The following APOBEC1 variants were observed in gnomAD, a reference collection of about 807,000 sequenced individuals.
APOBEC1 encodes apolipoprotein B mRNA editing enzyme catalytic subunit 1.
A neutral mutation model predicts 26.3 loss-of-function variants in APOBEC1; 22 were observed. The observed-to-expected ratio is 0.84, with a 90% CI of 0.60 to 1.19. The LOEUF (loss-of-function observed/expected upper bound fraction) is 1.19. Ranked by LOEUF, APOBEC1 falls within the 50% of genes most tolerant of loss-of-function variation. The pLI, the probability that APOBEC1 is intolerant of heterozygous loss-of-function variation, is 0.00. For missense variants in APOBEC1, 253 were observed against 289.0 expected (o/e 0.88, Z 0.90); for synonymous variants, 77 against 95.3 (o/e 0.81, Z 1.12).
At position 7,651,032 on chromosome 12, in the gene APOBEC1, G is replaced by A; in HGVS notation, c.552C>T (p.Cys184=). 1 of 1,608,812 alleles carries A rather than the reference G, an allele frequency of 6.2e-7. No individual in the cohort carries two copies. The highest frequency in any genetic ancestry group is 1.3e-5 in the African/African-American group (1 of 74,932). The change falls in exon 4 of 5, where the codon TGC becomes TGT. Residue 184 remains cysteine, a synonymous_variant. Transcript: ENST00000229304. ...CCCTAAAGTGACTTACTAGAATTATGCAGTGCAGCTCCAGTGCGTACAACA... is the reference window on the plus strand; with the variant it reads ...CCCTAAAGTGACTTACTAGAATTATACAGTGCAGCTCCAGTGCGTACAACA... The part of the protein sequence containing the change: ...WMMLYALELH[C]IILSLPPCLK...
At chr12:7,668,335 T>A (rs1863917482), upstream of APOBEC1, among the ~76,000 whole-genome samples, 2 of 152,176 alleles carry the variant, frequency 1.3e-5, no homozygotes, top group South Asian at 4.1e-4. Context: ...TCCAGAACTA[T>A]AAAACAATGT....
chr12:7,652,832 T>G lies in APOBEC1; in HGVS notation c.48A>C (p.Arg16Ser), dbSNP rs1318252428. 1 of 1,572,986 alleles carries G rather than the reference T, an allele frequency of 6.4e-7. No homozygotes were observed. Among genetic ancestry groups the G allele is most frequent in the Non-Finnish European group, 8.6e-7 (1 of 1,161,574 alleles). ...GPSTGDPTLR[R>S]RIEPWEFDVF... ...CGTCAAACTCCCAGGGTTCGATTCT[T>G]CTCCTGAAATACAAAAAGCAGCCCA... Residue 16 changes from arginine to serine, a missense_variant, in exon 3 of 5, where the codon AGA (arginine) becomes AGC (serine). Coordinates refer to ENST00000229304, the MANE Select transcript of APOBEC1 (RefSeq NM_001644.5).
At chr12:7,668,567 A>G (rs1281756231), upstream of APOBEC1, among the ~76,000 whole-genome samples, 3 of 152,134 alleles carry the variant, frequency 2.0e-5, no homozygotes, top group Admixed American at 2.0e-4. Flanking sequence ...GTGGTTAATT[A>G]TTTGTAAGTG....
At position 7,660,382 on chromosome 12, in the gene APOBEC1, A is replaced by C. The variant is rs868551478; in HGVS notation, c.16+5475T>G. On this transcript the variant is annotated intron_variant, in intron 1 of 4. Transcript: ENST00000229304. ...AAGGAAGGAAGGAAGGAAGGAAAGA[A>C]AGAAAGAAAGAAAGAAAGAAAGAAA... Among the ~76,000 whole-genome samples, 59 of 102,952 alleles carry C rather than the reference A, an allele frequency of 5.7e-4. 1 individual carries two copies. Among genetic ancestry groups the C allele is most frequent in the African/African-American group, 2.2e-3 (56 of 25,552 alleles). 67.5% of individuals were successfully genotyped at this position (102,952 alleles called of 152,430 possible). A position where few individuals can be genotyped will look rare whatever the true frequency, so the allele number is the denominator to read the frequency against.
Position 7,660,410 on chromosome 12 carries a change from A to AAGAAAG in APOBEC1, c.16+5446_16+5447insCTTTCT, listed in dbSNP as rs111744018. On this transcript the variant is annotated intron_variant, in intron 1 of 4. Coordinates refer to ENST00000229304, the MANE Select transcript of APOBEC1 (RefSeq NM_001644.5). ...AAAGAAAGAAAGAAAGAAAGAAAGA[A>AAGAAAG]AGAGAGGGTATTTGGGCCAGGGACA... is the stretch of plus-strand genomic sequence containing the variant. 6.6e-3 allele frequency among the ~76,000 whole-genome samples: 548 copies of AAGAAAG among 83,592 alleles called. 3 individuals are homozygous for AAGAAAG. Among genetic ancestry groups the AAGAAAG allele is most frequent in the Non-Finnish European group, 8.5e-3 (332 of 39,158 alleles). The allele number at this position is 83,592 out of a possible 152,430, so 54.8% of individuals were successfully genotyped here.
Position 7,655,346 on chromosome 12 carries a change from A to G in APOBEC1, c.17-714T>C, listed in dbSNP as rs998920001. On this transcript the variant is annotated intron_variant, in intron 1 of 4. Transcript: ENST00000229304. ...ACCAACATGGAGAAACCGCATCTCT[A>G]CTAAAAATACAAAAAAAAATTGGCT... Among the ~76,000 whole-genome samples the G allele has an allele frequency of 8.0e-5, 12 of 149,710 alleles. No homozygotes were observed. The South Asian group carries it at 2.7e-3, about 33-fold the overall frequency.
chr12:7,665,504 G>A (rs1863879983), intron 1 of APOBEC1, among the ~76,000 whole-genome samples: 1 of 151,826 alleles, frequency 6.6e-6, no homozygotes, highest in Admixed American at 6.6e-5. Flanking sequence ...CACCATGTTG[G>A]CCAGGCTGGT....
At chr12:7,659,823 G>T (rs1018945823) in intron 1 of APOBEC1, among the ~76,000 whole-genome samples, 1 of 151,936 alleles carries the variant, frequency 6.6e-6, no homozygotes, top group African/African-American at 2.4e-5. Context: ...CAAAAAACTG[G>T]CCAGGCGTGG....
intron 2 of APOBEC1, 30 bp from the exon 3 acceptor site, chr12:7,652,865 A>T (rs1863664197): frequency 6.5e-7 from 1 of 1,527,776 alleles, no homozygotes; most frequent in Non-Finnish European, 8.7e-7. Flanking sequence ...CCACACTGTC[A>T]TGCCACATTT....
intron 2 of APOBEC1, among the ~76,000 whole-genome samples, chr12:7,653,309 A>T (rs1482164351): frequency 6.6e-6 from 1 of 152,114 alleles, no homozygotes; most frequent in Non-Finnish European, 1.5e-5. Flanking sequence ...TCTCAAAGTT[A>T]TCTGAAGAGG....
At chr12:7,667,154 C>T (rs1863903723), upstream of APOBEC1, among the ~76,000 whole-genome samples, 1 of 151,980 alleles carries the variant, frequency 6.6e-6, no homozygotes, top group African/African-American at 2.4e-5. Flanking sequence ...TCAGGTGATC[C>T]ACCCGCCTCA....
chr12:7,655,248 C>T (rs939965585), intron 1 of APOBEC1, among the ~76,000 whole-genome samples: 1 of 151,986 alleles, frequency 6.6e-6, no homozygotes, highest in Non-Finnish European at 1.5e-5. Flanking sequence ...TGGTGGCTCA[C>T]GCCTGTAATC....
intron 4 of APOBEC1, among the ~76,000 whole-genome samples, chr12:7,650,184 A>C (rs1170359250): frequency 6.6e-6 from 1 of 152,200 alleles, no homozygotes; most frequent in Non-Finnish European, 1.5e-5. Context: ...CACACTAATA[A>C]GAGAAAGGAG....
upstream of APOBEC1, among the ~76,000 whole-genome samples, chr12:7,667,122 G>A (rs1366602306): frequency 1.3e-5 from 2 of 151,970 alleles, no homozygotes; most frequent in Admixed American, 6.6e-5. Context: ...ATGTTGGCCA[G>A]GCTGGTCTCA....
chr12:7,657,842 C>T (rs1863737644), intron 1 of APOBEC1, among the ~76,000 whole-genome samples: 1 of 151,876 alleles, frequency 6.6e-6, no homozygotes, highest in Non-Finnish European at 1.5e-5. Context: ...TGCCACTGCA[C>T]TCCAGCAGGG....
At chr12:7,654,741 T>G in intron 1 of APOBEC1, 109 bp from the exon 2 acceptor site, 1 of 1,083,294 alleles carries the variant, frequency 9.2e-7, no homozygotes, top group Non-Finnish European at 1.4e-6. Flanking sequence ...AAAATGGAAT[T>G]TGAAGATTCT....
chr12:7,649,962 C>T (rs765384330), intron 4 of APOBEC1, among the ~76,000 whole-genome samples: 6 of 152,004 alleles, frequency 3.9e-5, no homozygotes, highest in South Asian at 4.2e-4. Flanking sequence ...ACTACAGGCA[C>T]GCACCACCAC....
At chr12:7,655,947 A>G (rs1213439828) in intron 1 of APOBEC1, among the ~76,000 whole-genome samples, 1 of 152,144 alleles carries the variant, frequency 6.6e-6, no homozygotes, top group East Asian at 1.9e-4. Flanking sequence ...GTCACTGTAC[A>G]TAGCCTGGGT....
intron 4 of APOBEC1, among the ~76,000 whole-genome samples, chr12:7,650,814 C>CTTGAG (rs1863626578): frequency 6.6e-6 from 1 of 152,190 alleles, no homozygotes; most frequent in Admixed American, 6.5e-5. Context: ...GCTTGCAACG[C>CTTGAG]CTAGACTCAA....
Sources: allele counts gnomAD v4.1 joint callset (sites outside exome capture counted in the v4.1 genomes callset), GRCh38; gene constraint gnomAD v4.1.1; transcripts MANE v1.5; gene names NCBI Gene and HGNC (gene_info 2026-07-23, HGNC 2026-07-21).